The following LANCL3 variants were observed in gnomAD, a reference collection of about 807,000 sequenced individuals.
LANCL3 encodes LanC like family member 3.
In LANCL3, 19 loss-of-function variants were observed where a neutral mutation model predicts 26.5. The observed-to-expected ratio is 0.72, with a 90% CI of 0.50 to 1.05. The LOEUF (loss-of-function observed/expected upper bound fraction) is 1.05, where lower values mean the gene tolerates loss of function less well. Ranked by LOEUF, LANCL3 falls within the 50% of genes least tolerant of loss-of-function variation. LANCL3 has a pLI of 0.00. For synonymous variants in LANCL3, 160 were observed against 166.6 expected (o/e 0.96, Z 0.30); for missense variants, 318 against 362.7 (o/e 0.88, Z 1.00).
chrX:37,590,641 C>T (rs1321240235), intron 1 of LANCL3, among the ~76,000 whole-genome samples: 1 of 112,243 alleles, frequency 8.9e-6, no homozygotes, highest in Non-Finnish European at 1.9e-5. Flanking sequence ...TGACTTTCCC[C>T]TATCCCTAAT....
intron 1 of LANCL3, among the ~76,000 whole-genome samples, chrX:37,584,886 G>A (rs2146712112): frequency 9.0e-6 from 1 of 111,721 alleles, no homozygotes; most frequent in African/African-American, 3.3e-5. Flanking sequence ...TAATTGTGAT[G>A]TTAGGGTGTC....
rs1189295811 is a variant in LANCL3, at chrX:37,681,447, T to C, written c.*5634T>C. 1 of 111,893 alleles carries C rather than the reference T, an allele frequency of 8.9e-6. No individual in the cohort carries two copies. The highest frequency in any genetic ancestry group is 1.9e-5 in the Non-Finnish European group (1 of 53,167). 9.2% of individuals were successfully genotyped at this position (111,893 alleles called of 1,213,427 possible). Reference sequence around the variant, plus strand: ...CCTGTTTCCTAGTATTGATAAAGTCTTCCTACCTTCCTTCGTTGTTATGGG... The same window carrying C: ...CCTGTTTCCTAGTATTGATAAAGTCCTCCTACCTTCCTTCGTTGTTATGGG... On this transcript the variant is annotated 3_prime_UTR_variant, in exon 5 of 5. Transcript: ENST00000378619.
intron 1 of LANCL3, among the ~76,000 whole-genome samples, chrX:37,590,224 T>G (rs1333839360): frequency 1.8e-5 from 2 of 112,593 alleles, no homozygotes; most frequent in African/African-American, 6.5e-5. Context: ...TAAGTTCTCG[T>G]CTTTGTTTCT....
intron 1 of LANCL3, among the ~76,000 whole-genome samples, chrX:37,616,683 G>A (rs1456644528): frequency 2.7e-5 from 3 of 112,180 alleles, no homozygotes; most frequent in African/African-American, 9.7e-5. Context: ...CCCTCAGGGA[G>A]TTCACAAAAT....
At chrX:37,651,755 C>T (rs899503609) in intron 1 of LANCL3, among the ~76,000 whole-genome samples, 7 of 110,628 alleles carry the variant, frequency 6.3e-5, no homozygotes, top group Admixed American at 9.6e-5. Flanking sequence ...TCCTCCCTCC[C>T]CCAACCCCAT....
At position 37,594,572 on chromosome X, in the gene LANCL3, C is replaced by T. The variant is rs1224528301; in HGVS notation, c.573+22129C>T. Among the ~76,000 whole-genome samples the T allele has an allele frequency of 6.2e-5, 7 of 112,155 alleles. No homozygotes were observed. In the Admixed American group the frequency reaches 6.6e-4, roughly 11 times the overall value. On this transcript the variant is annotated intron_variant, in intron 1 of 4. Transcript: ENST00000378619. ...AATTGATAAGAGATGGAGCCTAGTC[C>T]AGAACTCAAATTCTTCTCCAAAGTT...
chrX:37,611,231 A>G, intron 1 of LANCL3, among the ~76,000 whole-genome samples: 1 of 112,145 alleles, frequency 8.9e-6, no homozygotes, highest in East Asian at 2.8e-4. Flanking sequence ...CAGATTGAAC[A>G]AATCTTTCCA....
chrX:37,585,045 C>T (rs1205332126), intron 1 of LANCL3, among the ~76,000 whole-genome samples: 2 of 111,936 alleles, frequency 1.8e-5, no homozygotes, highest in South Asian at 3.7e-4. Context: ...TCCCTCATTT[C>T]GTTATGTACC....
At chrX:37,632,078 G>A (rs1243294973) in intron 1 of LANCL3, among the ~76,000 whole-genome samples, 10 of 111,296 alleles carry the variant, frequency 9.0e-5, no homozygotes, top group Admixed American at 4.7e-4. Flanking sequence ...TTATTATTGT[G>A]TGGGAGTGTA....
At chrX:37,591,026 C>A (rs1175384662) in intron 1 of LANCL3, among the ~76,000 whole-genome samples, 1 of 111,751 alleles carries the variant, frequency 8.9e-6, no homozygotes, top group Admixed American at 9.5e-5. Context: ...GGCAGCAGTA[C>A]CATAAACTTA....
chrX:37,638,943 C>T (rs1925786221), intron 1 of LANCL3, among the ~76,000 whole-genome samples: 1 of 110,516 alleles, frequency 9.0e-6, no homozygotes, highest in Non-Finnish European at 1.9e-5. Flanking sequence ...TGACATCCAG[C>T]CATGTTGCTG....
In LANCL3 at chrX:37,679,812, C is replaced by G. The variant is rs1556438333; in HGVS notation, c.*3999C>G. The G allele has an allele frequency of 1.8e-5, 2 of 110,839 alleles. No individual in the cohort carries two copies. The highest frequency in any genetic ancestry group is 2.8e-4 in the East Asian group (1 of 3,545). The allele number at this position is 110,839 out of a possible 1,213,427, so 9.1% of individuals were successfully genotyped here. On this transcript the variant is annotated 3_prime_UTR_variant, in exon 5 of 5. Transcript: ENST00000378619. ...AGGCAAAGGGGTGGGTGAGGGGAAG[C>G]TTGCTGAAGCTCAGTATCTCAAAGT... is the stretch of plus-strand genomic sequence containing the variant.
intron 1 of LANCL3, among the ~76,000 whole-genome samples, chrX:37,586,229 G>A (rs1222356216): frequency 2.7e-5 from 3 of 111,422 alleles, no homozygotes; most frequent in Non-Finnish European, 3.8e-5. Context: ...TACCCTTAAC[G>A]TTTTTTCCTT....
Position 37,571,952 on chromosome X carries a change from G to A in LANCL3, c.82G>A (p.Ala28Thr), listed in dbSNP as rs782096065. ...LLAGQCEEAVAPLVTATIERI... is the reference protein window; with the variant it reads ...LLAGQCEEAVTPLVTATIERI... The stretch of plus-strand genomic sequence containing the variant: ...GGCGGGCCAGTGTGAGGAGGCGGTG[G>A]CGCCCTTGGTCACCGCCACCATCGA... The change falls in exon 1 of 5, where the codon GCG becomes ACG. Residue 28 changes from alanine to threonine, a missense_variant. Ala to Thr is a moderately conservative substitution (Grantham distance 58). Transcript: ENST00000378619. The A allele has an allele frequency of 1.7e-5, 20 of 1,204,177 alleles. No individual in the cohort carries two copies. Among genetic ancestry groups the A allele is most frequent in the Non-Finnish European group, 2.1e-5 (19 of 892,222 alleles).
At chrX:37,648,252 A>G (rs1464612330) in intron 1 of LANCL3, among the ~76,000 whole-genome samples, 1 of 112,683 alleles carries the variant, frequency 8.9e-6, no homozygotes, top group Non-Finnish European at 1.9e-5. Flanking sequence ...CCAGATTTGT[A>G]TACTCCAGAT....
At chrX:37,600,015 G>A (rs1556419863) in intron 1 of LANCL3, among the ~76,000 whole-genome samples, 1 of 111,748 alleles carries the variant, frequency 8.9e-6, no homozygotes, top group Non-Finnish European at 1.9e-5. Context: ...TCGGCATTGT[G>A]TATCCATGAC....
At position 37,582,359 on chromosome X, in the gene LANCL3, C is replaced by T. The variant is rs782217445; in HGVS notation, c.573+9916C>T. Among the ~76,000 whole-genome samples the T allele has an allele frequency of 4.5e-5, 5 of 112,167 alleles. No individual in the cohort carries two copies. The South Asian group carries it at 1.9e-3, about 42-fold the overall frequency. ...TCTAGATCCCTGAGGAATCGCCACA[C>T]TGTCTTCCACAATGGTTGAACTTGT... On this transcript the variant is annotated intron_variant, in intron 1 of 4. Transcript: ENST00000378619.
intron 4 of LANCL3, among the ~76,000 whole-genome samples, chrX:37,672,190 C>T (rs1926699159): frequency 9.0e-6 from 1 of 111,482 alleles, no homozygotes; most frequent in Non-Finnish European, 1.9e-5. Flanking sequence ...GTGGTGAATT[C>T]AGGGCTTTAG....
At chrX:37,577,157 A>G (rs1344216408) in intron 1 of LANCL3, among the ~76,000 whole-genome samples, 4 of 112,370 alleles carry the variant, frequency 3.6e-5, no homozygotes, top group Non-Finnish European at 7.5e-5. Context: ...TAAGAATGAT[A>G]ACAAGGGGGA....
Sources: allele counts gnomAD v4.1 joint callset (sites outside exome capture counted in the v4.1 genomes callset), GRCh38; gene constraint gnomAD v4.1.1; transcripts MANE v1.5; gene names NCBI Gene and HGNC (gene_info 2026-07-23, HGNC 2026-07-21).